NELL1: variants seen among roughly 807,000 people sequenced by gnomAD.
The protein encoded by NELL1 is protein kinase C-binding protein NELL1.
NELL1 carries 76 observed loss-of-function variants against 107.4 expected under a neutral mutation model. That is an observed-to-expected ratio of 0.71 (90% CI 0.59 to 0.86). The LOEUF (loss-of-function observed/expected upper bound fraction) is 0.86. NELL1 is among the 40% of genes least tolerant of loss of function. The pLI is 0.00. For missense variants in NELL1, 1,024 were observed against 1,005.5 expected, an observed-to-expected ratio of 1.02 and a Z score of -0.25; for synonymous variants, 353 against 341.2, an observed-to-expected ratio of 1.03 and a Z score of -0.38.
intron 2 of NELL1, among the ~76,000 whole-genome samples, chr11:20,719,396 G>A (rs1855324422): frequency 6.8e-6 from 1 of 147,710 alleles, no homozygotes; most frequent in African/African-American, 2.5e-5. Context: ...AACAAGGCCA[G>A]AATATTTAAA....
rs562677600 is a variant in NELL1, at chr11:20,939,763, A to T, written c.1071+1904A>T. Among the ~76,000 whole-genome samples the T allele has an allele frequency of 2.6e-4, 40 of 152,266 alleles. No homozygotes were observed. In the South Asian group the frequency reaches 8.3e-3, roughly 32 times the overall value. On this transcript the variant is annotated intron_variant, in intron 10 of 19. Transcript: ENST00000357134. ...TGATAAATGCTCTCTTCATTAGGTG[A>T]TGACGAGATACTGGTGCAGGAAGAG...
At chr11:21,085,009 C>T (rs571611434) in intron 12 of NELL1, among the ~76,000 whole-genome samples, 1 of 152,226 alleles carries the variant, frequency 6.6e-6, no homozygotes, top group South Asian at 2.1e-4. Context: ...GTAAGACATA[C>T]TTATCTTTTA....
At chr11:20,902,169 A>C (rs1311974415) in intron 5 of NELL1, among the ~76,000 whole-genome samples, 1 of 152,066 alleles carries the variant, frequency 6.6e-6, no homozygotes, top group Non-Finnish European at 1.5e-5. Flanking sequence ...TGATGGGTTT[A>C]CTGCATAAAA....
chr11:21,153,377 C>T (rs1856161819), intron 13 of NELL1, among the ~76,000 whole-genome samples: 1 of 151,918 alleles, frequency 6.6e-6, no homozygotes, highest in African/African-American at 2.4e-5. Flanking sequence ...TGGGAGTAAA[C>T]TAAGATTTCT....
intron 12 of NELL1, among the ~76,000 whole-genome samples, chr11:21,019,244 A>C (rs1266252826): frequency 2.0e-5 from 3 of 152,108 alleles, no homozygotes; most frequent in Non-Finnish European, 4.4e-5. Flanking sequence ...TTCTAGGGCA[A>C]ACCTAGAGGT....
Position 21,452,981 on chromosome 11 carries a change from T to C in NELL1, c.1646-81393T>C, listed in dbSNP as rs146827977. ...TATTTGGAAATATTCCAGTTATAGT[T>C]CTATTTTTAATTTTCATTTTAATTT... is the stretch of plus-strand genomic sequence containing the variant. On this transcript the variant is annotated intron_variant, in intron 15 of 19. Transcript: ENST00000357134. Among the ~76,000 whole-genome samples the C allele has an allele frequency of 1.9e-3, 293 of 152,100 alleles. 13 individuals carry two copies. In the East Asian group the frequency reaches 0.044, roughly 23 times the overall value.
Position 21,504,846 on chromosome 11 carries a change from C to G in NELL1, c.1646-29528C>G, listed in dbSNP as rs575311329. ...GATCCTTGCTGCCACTCTAACCCCT[C>G]TTCTCCTGCACTCTATGGATATCAC... On this transcript the variant is annotated intron_variant, in intron 15 of 19. Coordinates refer to ENST00000357134, the MANE Select transcript of NELL1 (RefSeq NM_006157.5). Among the ~76,000 whole-genome samples the G allele has an allele frequency of 3.9e-5, 6 of 152,300 alleles. No homozygotes were observed. In the South Asian group the frequency reaches 1.2e-3, roughly 32 times the overall value.
intron 3 of NELL1, among the ~76,000 whole-genome samples, chr11:20,833,514 T>C (rs558046438): frequency 6.6e-6 from 1 of 152,322 alleles, no homozygotes; most frequent in Admixed American, 6.5e-5. Context: ...ACTACAAGTA[T>C]GCTAAGTGTT....
chr11:21,293,675 C>T (rs905372332), intron 14 of NELL1, among the ~76,000 whole-genome samples: 2 of 152,098 alleles, frequency 1.3e-5, no homozygotes, highest in Non-Finnish European at 2.9e-5. Flanking sequence ...AGACTTGGAG[C>T]CAACCCAACT....
At chr11:21,056,182 C>G (rs1853611152) in intron 12 of NELL1, among the ~76,000 whole-genome samples, 1 of 152,186 alleles carries the variant, frequency 6.6e-6, no homozygotes, top group Admixed American at 6.6e-5. Context: ...TGAAGCAGGG[C>G]AGCAGTTCAA....
chr11:21,568,043 G>A (rs1041794416), intron 17 of NELL1, among the ~76,000 whole-genome samples: 8 of 151,882 alleles, frequency 5.3e-5, no homozygotes, highest in African/African-American at 1.9e-4. Flanking sequence ...TACATTCTAA[G>A]AAATGAGTCA....
At chr11:21,350,366 T>TTA (rs1555009126) in intron 14 of NELL1, among the ~76,000 whole-genome samples, 3,896 of 145,776 alleles carry the variant, frequency 0.027, 63 homozygotes, top group African/African-American at 0.044. Context: ...AAGATCTTTT[T>TTA]AAAAAAAAAA....
intron 2 of NELL1, among the ~76,000 whole-genome samples, chr11:20,683,506 C>T (rs1049270659): frequency 6.6e-5 from 10 of 152,014 alleles, no homozygotes; most frequent in Non-Finnish European, 1.3e-4. Context: ...CTATTTTTCC[C>T]ATCTGTGTCT....
chr11:21,529,081 T>C (rs1436840338), intron 15 of NELL1, among the ~76,000 whole-genome samples: 1 of 152,042 alleles, frequency 6.6e-6, no homozygotes, highest in Non-Finnish European at 1.5e-5. Flanking sequence ...AAAATAGAAA[T>C]ATATTTCTTA....
intron 15 of NELL1, among the ~76,000 whole-genome samples, chr11:21,447,267 C>T (rs1853456397): frequency 1.3e-5 from 2 of 152,172 alleles, no homozygotes; most frequent in South Asian, 4.1e-4. Context: ...CTCTTTTCCA[C>T]TGTGGCTGAG....
At chr11:21,488,593 A>G (rs1302142544) in intron 15 of NELL1, among the ~76,000 whole-genome samples, 1 of 152,064 alleles carries the variant, frequency 6.6e-6, no homozygotes, top group Non-Finnish European at 1.5e-5. Flanking sequence ...AGCAGTCAGC[A>G]GACCACAGTG....
At chr11:20,701,353 G>T (rs571580716) in intron 2 of NELL1, among the ~76,000 whole-genome samples, 1 of 152,158 alleles carries the variant, frequency 6.6e-6, no homozygotes, top group South Asian at 2.1e-4. Flanking sequence ...TTTTGATGGG[G>T]TTGTTTGATT....
At chr11:21,491,987 C>T (rs1854832152) in intron 15 of NELL1, among the ~76,000 whole-genome samples, 1 of 151,952 alleles carries the variant, frequency 6.6e-6, no homozygotes, top group South Asian at 2.1e-4. Flanking sequence ...ACTTTCGCAA[C>T]CTACTCATCT....
chr11:21,305,085 A>G (rs1849579169), intron 14 of NELL1, among the ~76,000 whole-genome samples: 1 of 151,994 alleles, frequency 6.6e-6, no homozygotes, highest in East Asian at 1.9e-4. Context: ...AGCTAGTTTT[A>G]TCTCCAGGAC....
Sources: gnomAD v4.1 joint callset for allele counts (sites outside exome capture counted in the v4.1 genomes callset) on GRCh38, gnomAD v4.1.1 for gene constraint, MANE v1.5 for transcripts, NCBI Gene and HGNC (gene_info 2026-07-23, HGNC 2026-07-21) for gene names.